The following CSMD1 variants were observed in gnomAD, a reference collection of about 807,000 sequenced individuals.
The protein encoded by CSMD1 is CUB and sushi domain-containing protein 1.
In CSMD1, 213 loss-of-function variants were observed where a neutral mutation model predicts 417.5. The ratio of observed to expected loss-of-function variants is 0.51; its 90% CI spans 0.46 to 0.57. The LOEUF (loss-of-function observed/expected upper bound fraction) is 0.57, where lower values mean the gene tolerates loss of function less well. Among genes scored for constraint, CSMD1 ranks in the 20% least tolerant of loss-of-function variants. The pLI is 0.00. For synonymous variants in CSMD1, 2,862 were observed against 1,736.8 expected, an observed-to-expected ratio of 1.65 and a Z score of -16.11; for missense variants, 6,923 against 4,529.7, an observed-to-expected ratio of 1.53 and a Z score of -15.17.
chr8:3,521,613 C>G (rs1017185113), intron 10 of CSMD1, among the ~76,000 whole-genome samples: 4 of 152,200 alleles, frequency 2.6e-5, no homozygotes, highest in Admixed American at 2.0e-4. Flanking sequence ...TAGCTAAATC[C>G]CTTGTACACG....
intron 7 of CSMD1, among the ~76,000 whole-genome samples, chr8:3,670,187 C>A (rs1028472106): frequency 6.6e-6 from 1 of 151,952 alleles, no homozygotes; most frequent in African/African-American, 2.4e-5. Context: ...CAGACTTACA[C>A]TTAATCTGGG....
chr8:4,792,462 G>A (rs1425380887), intron 1 of CSMD1, among the ~76,000 whole-genome samples: 2 of 152,240 alleles, frequency 1.3e-5, no homozygotes, highest in East Asian at 1.9e-4. Flanking sequence ...CTCATCAGCT[G>A]TTCTGAATAT....
chr8:4,952,978 T>C (rs999855172), intron 1 of CSMD1, among the ~76,000 whole-genome samples: 3 of 152,194 alleles, frequency 2.0e-5, no homozygotes, highest in Admixed American at 1.3e-4. Flanking sequence ...GCTGTTTTTA[T>C]TCCACATCCA....
In CSMD1 at chr8:4,411,989, G is replaced by GGTGTGTGTGTGTGT. The variant is rs60793651; in HGVS notation, c.415+7950_415+7963dup. On this transcript the variant is annotated intron_variant, in intron 3 of 69. Transcript: ENST00000635120. ...AAAAGTACACAGCAACATAGCTAAG[G>GGTGTGTGTGTGTGT]GTGTGTGTGTGTGTGTGTGTGTGTG... Among the ~76,000 whole-genome samples the GGTGTGTGTGTGTGT allele has an allele frequency of 3.4e-5, 5 of 149,052 alleles. No individual in the cohort carries two copies. The South Asian group carries it at 8.5e-4, about 25-fold the overall frequency.
rs986185644 is a variant in CSMD1 at position 3,949,974 on chromosome 8, C to T, written c.818+47929G>A. ...TTCATGCCAGCAGAGCGACGTGTCT[C>T]CAGGCTTGCATGAAATTACCCACTA... On this transcript the variant is annotated intron_variant, in intron 5 of 69. Coordinates refer to ENST00000635120, the MANE Select transcript of CSMD1 (RefSeq NM_033225.6). 8.8e-6 allele frequency: 4 copies of T among 455,898 alleles called. No individual in the cohort carries two copies. In the Admixed American group the frequency reaches 9.4e-5, roughly 11 times the overall value. The allele number at this position is 455,898 out of a possible 1,614,324, so 28.2% of individuals were successfully genotyped here. A position where few individuals can be genotyped will look rare whatever the true frequency, so the allele number is the denominator to read the frequency against.
chr8:3,813,719 C>G (rs1013028576), intron 5 of CSMD1, among the ~76,000 whole-genome samples: 1 of 152,122 alleles, frequency 6.6e-6, no homozygotes, highest in Admixed American at 6.5e-5. Context: ...CCTCCTATAC[C>G]AAATGGTCCA....
chr8:4,262,308 C>A (rs184247835), intron 3 of CSMD1, among the ~76,000 whole-genome samples: 16 of 152,274 alleles, frequency 1.1e-4, no homozygotes, highest in Admixed American at 8.5e-4. Context: ...CAGGCGTCCA[C>A]AGGCACTAGC....
chr8:3,870,684 T>C (rs1372254852), intron 5 of CSMD1, among the ~76,000 whole-genome samples: 1 of 152,202 alleles, frequency 6.6e-6, no homozygotes, highest in Non-Finnish European at 1.5e-5. Context: ...TAGAGGGATG[T>C]TAAGTATTAT....
Position 4,727,479 on chromosome 8 carries a change from G to C in CSMD1, c.86-89921C>G, listed in dbSNP as rs575127227. 8.5e-5 allele frequency among the ~76,000 whole-genome samples: 13 copies of C among 152,310 alleles called. No homozygotes were observed. In the East Asian group the frequency reaches 2.1e-3, roughly 25 times the overall value. On this transcript the variant is annotated intron_variant, in intron 1 of 69. Transcript: ENST00000635120. ...AAGACTGGGGAAAACAATAAAGAGA[G>C]AGAATGATTTGGCACTTTCAAAAAG...
At chr8:4,537,620 C>A (rs1002419963) in intron 2 of CSMD1, among the ~76,000 whole-genome samples, 3 of 152,164 alleles carry the variant, frequency 2.0e-5, no homozygotes, top group Non-Finnish European at 4.4e-5. Context: ...TTATCTGACA[C>A]TATTCTATAA....
Position 4,848,099 on chromosome 8 carries a change from TA to T in CSMD1, c.85+146232del, listed in dbSNP as rs372202667. ...ATGCTGTATGGTTTTGCAACTGTGT[TA>T]TTTTTTTTGGATATTGTCAAGGTTC... is the stretch of plus-strand genomic sequence containing the variant. On this transcript the variant is annotated intron_variant, in intron 1 of 69. Transcript: ENST00000635120. 2.8e-3 allele frequency among the ~76,000 whole-genome samples: 432 copies of T among 152,322 alleles called. 5 individuals carry two copies. Among genetic ancestry groups the T allele is most frequent in the African/African-American group, 9.7e-3 (405 of 41,576 alleles).
chr8:4,974,720 G>T (rs1269441674), intron 1 of CSMD1, among the ~76,000 whole-genome samples: 1 of 152,120 alleles, frequency 6.6e-6, no homozygotes, highest in Admixed American at 6.5e-5. Context: ...TAACACCTTT[G>T]GTCTTTGCTC....
chr8:3,183,678 T>C lies in CSMD1; in HGVS notation c.5621-2464A>G, dbSNP rs575430715. 1.4e-4 allele frequency among the ~76,000 whole-genome samples: 22 copies of C among 152,350 alleles called. No homozygotes were observed. The South Asian group carries it at 4.1e-3, about 29-fold the overall frequency. ...ACTGAACGCCTAATCTATCCATCCC[T>C]GAAACATCGAGTAGGTCTCTACTGT... On this transcript the variant is annotated intron_variant, in intron 36 of 69. Coordinates refer to ENST00000635120, the MANE Select transcript of CSMD1 (RefSeq NM_033225.6).
chr8:4,054,098 C>A (rs1256623879), intron 3 of CSMD1, among the ~76,000 whole-genome samples: 1 of 152,162 alleles, frequency 6.6e-6, no homozygotes, highest in Non-Finnish European at 1.5e-5. Flanking sequence ...ACTACACCAG[C>A]TGCTAATGGT....
chr8:4,929,281 G>A (rs553574514), intron 1 of CSMD1, among the ~76,000 whole-genome samples: 1 of 152,180 alleles, frequency 6.6e-6, no homozygotes, highest in East Asian at 1.9e-4. Flanking sequence ...CCGTCGTTGT[G>A]GACTTCCAGC....
intron 8 of CSMD1, among the ~76,000 whole-genome samples, chr8:3,600,514 C>T (rs991259204): frequency 3.3e-5 from 5 of 152,170 alleles, no homozygotes; most frequent in African/African-American, 9.7e-5. Context: ...TCAAAGACTA[C>T]CACTCAGAGA....
chr8:3,339,291 G>A (rs1290792998), intron 23 of CSMD1, among the ~76,000 whole-genome samples: 1 of 151,888 alleles, frequency 6.6e-6, no homozygotes, highest in East Asian at 1.9e-4. Context: ...ATTTTCACAG[G>A]CCCTTCACTT....
At chr8:3,857,916 C>G (rs909407446) in intron 5 of CSMD1, among the ~76,000 whole-genome samples, 3 of 152,224 alleles carry the variant, frequency 2.0e-5, no homozygotes, top group African/African-American at 7.2e-5. Flanking sequence ...ATTGACCAGG[C>G]TTTGGCTTCC....
At chr8:3,912,684 A>C (rs1216882618) in intron 5 of CSMD1, among the ~76,000 whole-genome samples, 1 of 152,176 alleles carries the variant, frequency 6.6e-6, no homozygotes, top group African/African-American at 2.4e-5. Context: ...TAAACTGAGA[A>C]ATACATGCAG....
Sources: gnomAD v4.1 joint callset for allele counts (sites outside exome capture counted in the v4.1 genomes callset) on GRCh38, gnomAD v4.1.1 for gene constraint, MANE v1.5 for transcripts, NCBI Gene and HGNC (gene_info 2026-07-23, HGNC 2026-07-21) for gene names.